CNTN3: variants seen among roughly 807,000 people sequenced by gnomAD.
The protein encoded by CNTN3 is contactin-3.
In CNTN3, 60 loss-of-function variants were observed where a neutral mutation model predicts 119.1. That is an observed-to-expected ratio of 0.50 (90% CI 0.41 to 0.62). The LOEUF is 0.62. Ranked by LOEUF, CNTN3 falls within the 20% of genes least tolerant of loss-of-function variation. The pLI, the probability that CNTN3 is intolerant of heterozygous loss-of-function variation, is 0.00. For missense variants in CNTN3, 1,101 were observed against 1,242.4 expected (o/e 0.89, Z 1.71); for synonymous variants, 450 against 438.7 (o/e 1.03, Z -0.32).
At chr3:74,348,770 T>C (rs1410834678) in intron 11 of CNTN3, among the ~76,000 whole-genome samples, 1 of 152,114 alleles carries the variant, frequency 6.6e-6, no homozygotes, top group Non-Finnish European at 1.5e-5. Flanking sequence ...GATAAAATGA[T>C]TGTTGCTTTA....
At chr3:74,339,314 C>T (rs1441119650) in intron 11 of CNTN3, among the ~76,000 whole-genome samples, 1 of 152,014 alleles carries the variant, frequency 6.6e-6, no homozygotes, top group African/African-American at 2.4e-5. Context: ...GGACCTCTGC[C>T]TCTCTCTAAC....
intron 13 of CNTN3, among the ~76,000 whole-genome samples, chr3:74,328,825 G>A (rs1009892106): frequency 1.3e-5 from 2 of 152,142 alleles, no homozygotes; most frequent in Non-Finnish European, 1.5e-5. Context: ...CTTCAACGAC[G>A]TGGGTTCAAG....
Position 74,501,397 on chromosome 3 carries a change from G to A in CNTN3, c.56-1612C>T, listed in dbSNP as rs116574588. 3.3e-3 allele frequency among the ~76,000 whole-genome samples: 507 copies of A among 151,990 alleles called. 6 individuals carry two copies. The highest frequency in any genetic ancestry group is 0.012 in the African/African-American group (489 of 41,454). ...TTGAGTATTGTCACACATCGATACC[G>A]GAAGGGTCAGATGTCCTGTGGTCAA... is the stretch of plus-strand genomic sequence containing the variant. On this transcript the variant is annotated intron_variant, in intron 2 of 22. Coordinates refer to ENST00000263665, the MANE Select transcript of CNTN3 (RefSeq NM_020872.3).
chr3:74,611,209 T>C lies in CNTN3; in HGVS notation c.-81+3182A>G, dbSNP rs563239291. 2.6e-5 allele frequency among the ~76,000 whole-genome samples: 4 copies of C among 152,254 alleles called. No homozygotes were observed. The South Asian group carries it at 6.2e-4, about 24-fold the overall frequency. On this transcript the variant is annotated intron_variant, in intron 1 of 22. Transcript: ENST00000263665. ...AATTATTTTATCCTACTTAAGAAAA[T>C]AGTCATTTTTCCTCATTCCTTGCAA...
chr3:74,450,804 T>C, intron 4 of CNTN3, among the ~76,000 whole-genome samples: 1 of 151,710 alleles, frequency 6.6e-6, no homozygotes, highest in Non-Finnish European at 1.5e-5. Context: ...AGAATGACGA[T>C]TCCCAATTTC....
At chr3:74,489,220 C>G (rs74986697) in intron 3 of CNTN3, among the ~76,000 whole-genome samples, 24,556 of 152,126 alleles carry the variant, frequency 0.16, 2,072 homozygotes, top group Non-Finnish European at 0.18. Flanking sequence ...GAGTCAGAAT[C>G]TGCATCTTAA....
At chr3:74,439,164 A>T (rs1256009780) in intron 4 of CNTN3, among the ~76,000 whole-genome samples, 1 of 152,206 alleles carries the variant, frequency 6.6e-6, no homozygotes, top group African/African-American at 2.4e-5. Context: ...TGCTTCTCTA[A>T]TTCAAGTGAA....
intron 1 of CNTN3, among the ~76,000 whole-genome samples, chr3:74,589,043 T>C (rs1246606925): frequency 2.6e-5 from 4 of 151,340 alleles, no homozygotes; most frequent in Admixed American, 6.6e-5. Flanking sequence ...GACATAGGCA[T>C]GGGCAAGGAC....
chr3:74,612,238 C>G (rs1338452803), intron 1 of CNTN3, among the ~76,000 whole-genome samples: 1 of 152,056 alleles, frequency 6.6e-6, no homozygotes, highest in Non-Finnish European at 1.5e-5. Context: ...AGAAAAGAGG[C>G]TATTAGTTTG....
rs368542468 is a variant in CNTN3, at chr3:74,307,748, T to C, written c.1669-4941A>G. On this transcript the variant is annotated intron_variant, in intron 13 of 22. Transcript: ENST00000263665. ...CAAGGTTTAAAATAAACTTCGGAAT[T>C]AGGGGAACCTCTTGAACCTTGCAAA... Among the ~76,000 whole-genome samples the C allele has an allele frequency of 2.4e-4, 37 of 152,314 alleles. No homozygotes were observed. In the East Asian group the frequency reaches 6.6e-3, roughly 27 times the overall value.
At chr3:74,295,072 A>C in intron 19 of CNTN3, 49 bp downstream of exon 19, 1 of 1,280,024 alleles carries the variant, frequency 7.8e-7, no homozygotes. Context: ...TCAAGGAGAC[A>C]AAGTGGCACG....
At chr3:74,268,144 C>G (rs1701701172) in intron 20 of CNTN3, among the ~76,000 whole-genome samples, 1 of 152,064 alleles carries the variant, frequency 6.6e-6, no homozygotes, top group Non-Finnish European at 1.5e-5. Flanking sequence ...TCTGCGGTTT[C>G]TAAACTTAGA....
At chr3:74,453,107 G>A (rs1267260774) in intron 4 of CNTN3, among the ~76,000 whole-genome samples, 2 of 152,028 alleles carry the variant, frequency 1.3e-5, no homozygotes, top group Non-Finnish European at 2.9e-5. Context: ...GTTCCTCCTT[G>A]TACCTCTGGC....
At chr3:74,318,068 C>T (rs1191953599) in intron 13 of CNTN3, among the ~76,000 whole-genome samples, 2 of 152,192 alleles carry the variant, frequency 1.3e-5, no homozygotes, top group Non-Finnish European at 2.9e-5. Context: ...AACTTCCCTT[C>T]TTGCTTCATT....
chr3:74,531,238 T>C (rs765514832), intron 1 of CNTN3, among the ~76,000 whole-genome samples: 7 of 152,014 alleles, frequency 4.6e-5, no homozygotes, highest in Non-Finnish European at 8.8e-5. Flanking sequence ...CTTGAAATTG[T>C]ATCCCTTACC....
intron 1 of CNTN3, among the ~76,000 whole-genome samples, chr3:74,572,720 A>T (rs1704354311): frequency 6.6e-6 from 1 of 152,256 alleles, no homozygotes; most frequent in African/African-American, 2.4e-5. Flanking sequence ...ATAATTAAAT[A>T]CTTGCTTATA....
chr3:74,316,244 A>C (rs1447197768), intron 13 of CNTN3, among the ~76,000 whole-genome samples: 3 of 152,248 alleles, frequency 2.0e-5, no homozygotes, highest in African/African-American at 7.2e-5. Context: ...AATGCTCATC[A>C]TCACTAATCA....
chr3:74,381,183 A>T (rs1033128856), intron 5 of CNTN3, among the ~76,000 whole-genome samples: 13 of 151,452 alleles, frequency 8.6e-5, no homozygotes, highest in Admixed American at 4.6e-4. Flanking sequence ...AAACACCATT[A>T]AAAAAAACCC....
intron 1 of CNTN3, among the ~76,000 whole-genome samples, chr3:74,585,744 G>A (rs578095730): frequency 6.6e-6 from 1 of 151,960 alleles, no homozygotes; most frequent in Non-Finnish European, 1.5e-5. Context: ...AATACCAAAT[G>A]ACTGTCTTAA....
Sources: allele counts gnomAD v4.1 joint callset (sites outside exome capture counted in the v4.1 genomes callset), GRCh38; gene constraint gnomAD v4.1.1; transcripts MANE v1.5; gene names NCBI Gene and HGNC (gene_info 2026-07-23, HGNC 2026-07-21).